The following PPP1R12A variants were observed in gnomAD, a reference collection of about 807,000 sequenced individuals.
PPP1R12A encodes the protein myosin binding subunit.
A neutral mutation model predicts 139.6 loss-of-function variants in PPP1R12A; 19 were observed. The ratio of observed to expected loss-of-function variants is 0.14; its 90% CI spans 0.09 to 0.20. The LOEUF (loss-of-function observed/expected upper bound fraction) is 0.20, where lower values mean the gene tolerates loss of function less well. PPP1R12A is among the 10% of genes least tolerant of loss of function. PPP1R12A has a pLI of 1.00. For missense variants in PPP1R12A, 925 were observed against 1,211.5 expected, an observed-to-expected ratio of 0.76 and a Z score of 3.51; for synonymous variants, 427 against 420.6, an observed-to-expected ratio of 1.02 and a Z score of -0.19.
intron 12 of PPP1R12A, chr12:79,806,694 G>T: frequency 5.5e-6 from 1 of 182,968 alleles, no homozygotes; most frequent in South Asian, 1.5e-4. Context: ...TTTTTTTGAA[G>T]GAAATTATTT....
intron 1 of PPP1R12A, among the ~76,000 whole-genome samples, chr12:79,933,741 A>G (rs564669190): frequency 2.0e-4 from 31 of 152,354 alleles, no homozygotes; most frequent in Non-Finnish European, 4.3e-4. Context: ...GATTGCCAAT[A>G]GTTTCTCCTT....
chr12:79,864,811 G>A (rs951542021), intron 2 of PPP1R12A, among the ~76,000 whole-genome samples: 1 of 152,200 alleles, frequency 6.6e-6, no homozygotes, highest in African/African-American at 2.4e-5. Flanking sequence ...AACAGGTTCT[G>A]AAATTGAGGC....
At chr12:79,802,275 C>T (rs552532880) in intron 14 of PPP1R12A, among the ~76,000 whole-genome samples, 45 of 152,282 alleles carry the variant, frequency 3.0e-4, no homozygotes, top group Admixed American at 9.2e-4. Context: ...TCCTCCACCC[C>T]TGACCCATTT....
intron 1 of PPP1R12A, among the ~76,000 whole-genome samples, chr12:79,925,142 C>T (rs1410227702): frequency 6.6e-6 from 1 of 152,082 alleles, no homozygotes; most frequent in African/African-American, 2.4e-5. Flanking sequence ...TAGAAGTGTT[C>T]CATGCAAGAA....
At position 79,776,351 on chromosome 12, in the gene PPP1R12A, G is replaced by T. The variant is rs183920984; in HGVS notation, c.3007-336C>A. Among the ~76,000 whole-genome samples the T allele has an allele frequency of 1.8e-3, 272 of 152,134 alleles. 1 individual carries two copies. The highest frequency in any genetic ancestry group is 2.9e-3 in the Non-Finnish European group (196 of 67,954). ...TTGTTAGGATAGGCTCTTAAAAGAGGTTCCTGTCAGCACCTAAACCAAAGA... is the reference window on the plus strand; with the variant it reads ...TTGTTAGGATAGGCTCTTAAAAGAGTTTCCTGTCAGCACCTAAACCAAAGA... On this transcript the variant is annotated intron_variant, in intron 24 of 24. Transcript: ENST00000450142.
At chr12:79,805,875 T>A (rs1028470715) in intron 13 of PPP1R12A, 107 bp from the exon 14 acceptor site, 1 of 1,231,330 alleles carries the variant, frequency 8.1e-7, no homozygotes, top group East Asian at 2.6e-5. Flanking sequence ...TGGATTTTTT[T>A]AAAACGCAAG....
chr12:79,793,653 A>C, intron 19 of PPP1R12A: 1 of 465,532 alleles, frequency 2.1e-6, no homozygotes. Context: ...ATCAAGACTC[A>C]GAACATTTTC....
intron 1 of PPP1R12A, among the ~76,000 whole-genome samples, chr12:79,884,654 C>T (rs1883942158): frequency 6.6e-6 from 1 of 152,068 alleles, no homozygotes; most frequent in Non-Finnish European, 1.5e-5. Context: ...TTTACTGAAC[C>T]ATATAAGGAA....
At chr12:79,819,218 T>C (rs971357405) in intron 8 of PPP1R12A, 2 of 152,220 alleles carry the variant, frequency 1.3e-5, no homozygotes, top group African/African-American at 2.4e-5. Context: ...TAGTTATATT[T>C]AATAGAATAC....
intron 1 of PPP1R12A, among the ~76,000 whole-genome samples, chr12:79,898,155 A>G (rs996701587): frequency 1.3e-5 from 2 of 152,154 alleles, no homozygotes; most frequent in Admixed American, 1.3e-4. Context: ...CTTATAATAA[A>G]TATCCAATAG....
In PPP1R12A at chr12:79,808,582, A is replaced by G. The variant is rs1874143956; in HGVS notation, c.1456-5T>C. 1.3e-6 allele frequency: 2 copies of G among 1,560,022 alleles called. No homozygotes were observed. Among genetic ancestry groups the G allele is most frequent in the South Asian group, 1.2e-5 (1 of 86,896 alleles). On this transcript the variant is annotated splice_polypyrimidine_tract_variant and splice_region_variant and intron_variant, in intron 10 of 24. Coordinates refer to ENST00000450142, the MANE Select transcript of PPP1R12A (RefSeq NM_002480.3). Reference sequence around the variant, plus strand: ...AGTTCCTTTACTATCTTTCTCCTACACAACAGGGAAAAAAATAAGTAAAAA... The same window carrying G: ...AGTTCCTTTACTATCTTTCTCCTACGCAACAGGGAAAAAAATAAGTAAAAA...
At chr12:79,883,038 G>A (rs1883785428) in intron 1 of PPP1R12A, among the ~76,000 whole-genome samples, 1 of 152,110 alleles carries the variant, frequency 6.6e-6, no homozygotes, top group Admixed American at 6.5e-5. Context: ...TCGGGAGGTG[G>A]AGGCAGGAGA....
rs1425065876 is a variant in PPP1R12A at position 79,800,905 on chromosome 12, T to G, written c.2001-2321A>C. 2.0e-5 allele frequency among the ~76,000 whole-genome samples: 3 copies of G among 151,814 alleles called. No individual in the cohort carries two copies. In the East Asian group the frequency reaches 5.9e-4, roughly 30 times the overall value. ...TCTGCCACCACGCCTGGCTAATTTT[T>G]TGTATTTTTAGTAGAGACGGGGTTT... On this transcript the variant is annotated intron_variant, in intron 14 of 24. Transcript: ENST00000450142.
intron 3 of PPP1R12A, among the ~76,000 whole-genome samples, chr12:79,836,053 G>T (rs1012654387): frequency 6.6e-6 from 1 of 152,102 alleles, no homozygotes. Context: ...TCAAACTAGA[G>T]ATTATAATAT....
chr12:79,908,045 A>G (rs976027340), intron 1 of PPP1R12A, among the ~76,000 whole-genome samples: 2 of 152,144 alleles, frequency 1.3e-5, no homozygotes, highest in African/African-American at 4.8e-5. Flanking sequence ...TGCTACATAC[A>G]CTAAATTTCT....
chr12:79,874,742 G>A (rs977311593), intron 1 of PPP1R12A, among the ~76,000 whole-genome samples: 1 of 152,148 alleles, frequency 6.6e-6, no homozygotes, highest in African/African-American at 2.4e-5. Context: ...TTTGTGCCAG[G>A]TAGTATGAAA....
intron 1 of PPP1R12A, among the ~76,000 whole-genome samples, chr12:79,902,285 G>A (rs138472998): frequency 6.6e-6 from 1 of 151,996 alleles, no homozygotes; most frequent in Non-Finnish European, 1.5e-5. Flanking sequence ...TATCAGTACC[G>A]ATGCTTAACC....
chr12:79,776,027 A>G lies in PPP1R12A; in HGVS notation c.3007-12T>C. ...AGGTCTGGTAACATCTATAAAGAGA[A>G]AAATTGAAGATCAAGTTTTACCTTC... On this transcript the variant is annotated splice_polypyrimidine_tract_variant and intron_variant, in intron 24 of 24. Transcript: ENST00000450142. 1.3e-6 allele frequency: 2 copies of G among 1,509,594 alleles called. No homozygotes were observed. The highest frequency in any genetic ancestry group is 1.8e-6 in the Non-Finnish European group (2 of 1,111,382). 93.5% of individuals were successfully genotyped at this position (1,509,594 alleles called of 1,614,324 possible).
At chr12:79,917,114 A>G (rs1372895949) in intron 1 of PPP1R12A, among the ~76,000 whole-genome samples, 1 of 152,194 alleles carries the variant, frequency 6.6e-6, no homozygotes, top group African/African-American at 2.4e-5. Flanking sequence ...AAAAACTTAT[A>G]TAGTATTCCC....
Sources: allele counts gnomAD v4.1 joint callset (sites outside exome capture counted in the v4.1 genomes callset), GRCh38; gene constraint gnomAD v4.1.1; transcripts MANE v1.5; gene names NCBI Gene and HGNC (gene_info 2026-07-23, HGNC 2026-07-21).